The following GRHL2 variants were observed in gnomAD, a reference collection of about 807,000 sequenced individuals.
GRHL2 encodes the protein grainyhead like transcription factor 2, also known as grainyhead-like protein 2 homolog.
Under a neutral mutation model 83.8 loss-of-function variants are expected in GRHL2, and 21 were observed. The ratio of observed to expected loss-of-function variants is 0.25; its 90% CI spans 0.18 to 0.36. The LOEUF (loss-of-function observed/expected upper bound fraction) is 0.36. GRHL2 is among the 10% of genes least tolerant of loss of function. The pLI is 1.00. For synonymous variants in GRHL2, 280 were observed against 278.9 expected (o/e 1.00, Z -0.04); for missense variants, 623 against 781.8 (o/e 0.80, Z 2.42).
chr8:101,588,560 GA>G (rs1255892983), intron 7 of GRHL2, among the ~76,000 whole-genome samples: 1 of 152,162 alleles, frequency 6.6e-6, no homozygotes, highest in Non-Finnish European at 1.5e-5. Context: ...CTGTGTATGT[GA>G]TTTGGGCAGC....
intron 14 of GRHL2, 27 bp from the exon 15 acceptor site, chr8:101,664,427 T>C (rs779968367): frequency 3.8e-6 from 6 of 1,585,360 alleles, no homozygotes; most frequent in Non-Finnish European, 2.6e-6. Flanking sequence ...TCTGTGCTCA[T>C]CTGCCTTCTT....
chr8:101,504,303 A>G (rs1810291119), intron 1 of GRHL2, among the ~76,000 whole-genome samples: 1 of 152,210 alleles, frequency 6.6e-6, no homozygotes, highest in Admixed American at 6.5e-5. Context: ...TTAGATTTGC[A>G]TATGTGTTAA....
intron 8 of GRHL2, among the ~76,000 whole-genome samples, chr8:101,604,203 C>G (rs775755299): frequency 1.1e-4 from 16 of 151,980 alleles, no homozygotes; most frequent in Non-Finnish European, 1.8e-4. Context: ...CTCTCCTTAC[C>G]CAAACACCGA....
chr8:101,636,478 C>T lies in GRHL2; in HGVS notation c.1486-419C>T, dbSNP rs113813936. Among the ~76,000 whole-genome samples, 834 of 152,242 alleles carry T rather than the reference C, an allele frequency of 5.5e-3. 8 individuals carry two copies. Among genetic ancestry groups the T allele is most frequent in the African/African-American group, 0.018 (752 of 41,532 alleles). Reference sequence around the variant, plus strand: ...GGTCCACAGACAAGCTGACTCCAGACACTGTGCTACACAGGGGGCAGGAAA... The same window carrying T: ...GGTCCACAGACAAGCTGACTCCAGATACTGTGCTACACAGGGGGCAGGAAA... On this transcript the variant is annotated intron_variant, in intron 11 of 15. Transcript: ENST00000646743.
chr8:101,526,718 AAGC>A (rs774416531), intron 1 of GRHL2, among the ~76,000 whole-genome samples: 2 of 152,154 alleles, frequency 1.3e-5, no homozygotes, highest in Non-Finnish European at 2.9e-5. Flanking sequence ...CCCTTAAAAA[AAGC>A]AGCTAGTTTC....
chr8:101,633,582 T>TA (rs1168623125), intron 11 of GRHL2, among the ~76,000 whole-genome samples: 5 of 152,348 alleles, frequency 3.3e-5, no homozygotes, highest in Admixed American at 6.5e-5. Flanking sequence ...AACATGGTAA[T>TA]AAAATGCCTA....
At chr8:101,517,529 T>G (rs1810596428) in intron 1 of GRHL2, among the ~76,000 whole-genome samples, 1 of 152,186 alleles carries the variant, frequency 6.6e-6, no homozygotes, top group Non-Finnish European at 1.5e-5. Context: ...GCTAACAAAA[T>G]CAGGCTGCAT....
the GRHL2 span, among the ~76,000 whole-genome samples, chr8:101,677,370 T>C: frequency 2.0e-5 from 3 of 152,002 alleles, no homozygotes; most frequent in African/African-American, 4.8e-5. Context: ...TTTCAAGGCA[T>C]TGGCTGTGAG....
intron 1 of GRHL2, among the ~76,000 whole-genome samples, chr8:101,539,992 A>G (rs1811119790): frequency 6.6e-6 from 1 of 152,212 alleles, no homozygotes; most frequent in African/African-American, 2.4e-5. Context: ...AACAACCAGC[A>G]CAATGTCTGG....
intron 8 of GRHL2, among the ~76,000 whole-genome samples, chr8:101,611,828 C>T (rs1467219899): frequency 2.7e-5 from 4 of 150,884 alleles, no homozygotes; most frequent in Non-Finnish European, 5.9e-5. Context: ...CAGGTTCTTT[C>T]TTCACCTTCC....
chr8:101,618,347 A>AT (rs984395179), intron 8 of GRHL2, among the ~76,000 whole-genome samples: 7 of 152,180 alleles, frequency 4.6e-5, no homozygotes, highest in African/African-American at 1.7e-4. Context: ...TGGAGTTTCC[A>AT]TTTTTTTGAA....
intron 1 of GRHL2, among the ~76,000 whole-genome samples, chr8:101,523,174 A>G (rs1420332773): frequency 6.6e-6 from 1 of 151,114 alleles, no homozygotes; most frequent in Non-Finnish European, 1.5e-5. Context: ...GGCCTCCCAA[A>G]GTGCTGGGAT....
downstream of GRHL2, among the ~76,000 whole-genome samples, chr8:101,671,116 T>C (rs926392979): frequency 6.6e-6 from 1 of 152,206 alleles, no homozygotes; most frequent in Non-Finnish European, 1.5e-5. Flanking sequence ...GGTTGATTTC[T>C]GTATTTCCAT....
intron 12 of GRHL2, among the ~76,000 whole-genome samples, chr8:101,643,496 G>C: frequency 6.6e-6 from 1 of 152,098 alleles, no homozygotes; most frequent in Non-Finnish European, 1.5e-5. Context: ...GACATGCAAG[G>C]CCTCAGCACC....
At chr8:101,601,818 T>A (rs576908600) in intron 8 of GRHL2, among the ~76,000 whole-genome samples, 37 of 152,372 alleles carry the variant, frequency 2.4e-4, no homozygotes, top group African/African-American at 8.7e-4. Context: ...TTACTTTAAG[T>A]TCCTGGATAC....
chr8:101,574,914 C>T (rs1275203516), intron 6 of GRHL2, among the ~76,000 whole-genome samples: 1 of 152,178 alleles, frequency 6.6e-6, no homozygotes, highest in Non-Finnish European at 1.5e-5. Context: ...GAAAAAGGCA[C>T]TGCTGTTTTT....
chr8:101,646,087 G>A (rs907081119), intron 13 of GRHL2, among the ~76,000 whole-genome samples: 13 of 152,020 alleles, frequency 8.6e-5, no homozygotes, highest in African/African-American at 2.9e-4. Flanking sequence ...GGCTGGTCTC[G>A]AACTCCTGAG....
chr8:101,591,596 T>G (rs1777712618), intron 7 of GRHL2, among the ~76,000 whole-genome samples: 1 of 152,198 alleles, frequency 6.6e-6, no homozygotes, highest in South Asian at 2.1e-4. Flanking sequence ...AAGACAAATA[T>G]GGGCAGTGGT....
chr8:101,559,747 G>C (rs559007022), intron 4 of GRHL2, among the ~76,000 whole-genome samples: 149 of 152,200 alleles, frequency 9.8e-4, no homozygotes, highest in Middle Eastern at 3.4e-3. Context: ...GAGAATTTTG[G>C]TAATTGTATA....
Sources: allele counts gnomAD v4.1 joint callset (sites outside exome capture counted in the v4.1 genomes callset), GRCh38; gene constraint gnomAD v4.1.1; transcripts MANE v1.5; gene names NCBI Gene and HGNC (gene_info 2026-07-23, HGNC 2026-07-21).